The following PSEN2 variants were observed in gnomAD, a reference collection of about 807,000 sequenced individuals.
PSEN2 encodes presenilin 2, also known as presenilin-2.
Under a neutral mutation model 49.1 loss-of-function variants are expected in PSEN2, and 32 were observed. That is an observed-to-expected ratio of 0.65 (90% CI 0.49 to 0.88). The LOEUF (loss-of-function observed/expected upper bound fraction) is 0.88. Among genes scored for constraint, PSEN2 ranks in the 40% least tolerant of loss-of-function variants. The probability of loss-of-function intolerance (pLI) is 0.00; values close to 1 mark genes in which losing one functional copy is unlikely to be tolerated. For missense variants in PSEN2, 522 were observed against 586.9 expected (o/e 0.89, Z 1.14); for synonymous variants, 255 against 244.0 (o/e 1.05, Z -0.42).
intron 12 of PSEN2, among the ~76,000 whole-genome samples, chr1:226,902,671 G>A (rs548052863): frequency 6.6e-6 from 1 of 152,312 alleles, no homozygotes; most frequent in South Asian, 2.1e-4. Flanking sequence ...AGAGCCAGCA[G>A]TCCCTCTCTG....
chr1:226,874,976 A>G (rs1213969321), intron 2 of PSEN2, among the ~76,000 whole-genome samples: 13 of 152,172 alleles, frequency 8.5e-5, no homozygotes, highest in Non-Finnish European at 1.9e-4. Flanking sequence ...CCACTTCCCC[A>G]CAAACCACCC....
chr1:226,882,681 C>T (rs1661077947), intron 4 of PSEN2, among the ~76,000 whole-genome samples: 1 of 152,130 alleles, frequency 6.6e-6, no homozygotes. Context: ...TGTTTTCTTG[C>T]AGCCAGTCTT....
chr1:226,871,699 G>A (rs538900224), intron 2 of PSEN2, among the ~76,000 whole-genome samples: 4 of 152,356 alleles, frequency 2.6e-5, no homozygotes, highest in African/African-American at 9.6e-5. Flanking sequence ...GGAAGCCTCT[G>A]ATGCCTCTGT....
At chr1:226,889,118 C>G in intron 8 of PSEN2, 69 bp downstream of exon 8, 2 of 1,417,854 alleles carry the variant, frequency 1.4e-6, no homozygotes, top group Non-Finnish European at 2.0e-6. Flanking sequence ...CCCAGTGCTG[C>G]ACAAGGAGGG....
chr1:226,882,024 G>A lies in PSEN2; in HGVS notation c.117G>A (p.Glu39=). The change falls in exon 4 of 13, where the codon GAG becomes GAA. Residue 39 remains glutamate, a synonymous_variant. Coordinates refer to ENST00000366783, the MANE Select transcript of PSEN2 (RefSeq NM_000447.3). ...GCCAGGAGGGCAGGCAGGGCCCAGA[G>A]GATGGAGAGAACACTGCCCAGTGGG... ...RSCQEGRQGP[E]DGENTAQWRS... is the part of the protein sequence containing the mutation. 1 of 1,614,136 alleles carries A rather than the reference G, an allele frequency of 6.2e-7. No individual in the cohort carries two copies. The highest frequency in any genetic ancestry group is 8.5e-7 in the Non-Finnish European group (1 of 1,180,034).
At chr1:226,896,196 G>A (rs1662139820), downstream of PSEN2, 2 of 158,808 alleles carry the variant, frequency 1.3e-5, no homozygotes, top group Non-Finnish European at 2.8e-5. Flanking sequence ...GAGGCAGTTT[G>A]CCCTGTTTGA....
chr1:226,886,882 G>A (rs929582848), intron 6 of PSEN2, among the ~76,000 whole-genome samples: 3 of 152,178 alleles, frequency 2.0e-5, no homozygotes, highest in Non-Finnish European at 2.9e-5. Flanking sequence ...CAGGAGGATC[G>A]CCTGACCCCA....
At chr1:226,882,138 C>G (rs982648254) in intron 4 of PSEN2, 90 bp downstream of exon 4, 3 of 1,525,776 alleles carry the variant, frequency 2.0e-6, no homozygotes, top group Admixed American at 1.9e-5. Context: ...TTCCCTGATG[C>G]GGGAGGGAGA....
Position 226,888,954 on chromosome 1 carries a change from A to G in PSEN2, c.692A>G (p.Tyr231Cys), listed in dbSNP as rs200754713. The G allele has an allele frequency of 1.9e-6, 3 of 1,614,100 alleles. No homozygotes were observed. Among genetic ancestry groups the G allele is most frequent in the South Asian group, 1.1e-5 (1 of 91,066 alleles). ...GGCCCTCTGGTGCTGCAGCAGGCCT[A>G]CCTCATCATGATCAGTGCGCTCATG... ...WKGPLVLQQAYLIMISALMAL... is the reference protein window; with the variant it reads ...WKGPLVLQQACLIMISALMAL... The change falls in exon 8 of 13, where the codon TAC (tyrosine) becomes TGC (cysteine). Residue 231 changes from tyrosine to cysteine, a missense_variant. Physicochemically the swap from Tyr to Cys is radical, Grantham distance 194 (BLOSUM62 -2). Transcript: ENST00000366783.
chr1:226,882,133 T>G (rs1283480784), intron 4 of PSEN2, 85 bp downstream of exon 4: 2 of 1,546,474 alleles, frequency 1.3e-6, no homozygotes, highest in Non-Finnish European at 1.8e-6. Context: ...ATTCATTCCC[T>G]GATGCGGGAG....
intron 12 of PSEN2, 118 bp downstream of exon 12, chr1:226,894,243 G>A: frequency 2.7e-6 from 2 of 731,966 alleles, no homozygotes; most frequent in African/African-American, 1.8e-5. Context: ...TCCCTCTGAG[G>A]GACAAGAGCA....
At position 226,895,503 on chromosome 1, in the gene PSEN2, T is replaced by C. The variant is rs1322531425; in HGVS notation, c.1271T>C (p.Leu424Pro). The C allele has an allele frequency of 6.2e-7, 1 of 1,614,016 alleles. No individual in the cohort carries two copies. Among genetic ancestry groups the C allele is most frequent in the East Asian group, 2.2e-5 (1 of 44,870 alleles). Residue 424 changes from leucine (L) to proline (P), a missense_variant, in exon 13 of 13, where the codon CTC becomes CCC. Transcript: ENST00000366783. The part of the protein sequence containing the change: ...PALPISITFG[L>P]IFYFSTDNLV... ...CTCCCCATCTCCATCACGTTCGGGCTCATCTTTTACTTCTCCACGGACAAC... is the reference window on the plus strand; with the variant it reads ...CTCCCCATCTCCATCACGTTCGGGCCCATCTTTTACTTCTCCACGGACAAC...
At chr1:226,888,544 AC>A (rs1363245173) in intron 7 of PSEN2, among the ~76,000 whole-genome samples, 2 of 152,176 alleles carry the variant, frequency 1.3e-5, no homozygotes, top group African/African-American at 4.8e-5. Context: ...TATCAGCCTG[AC>A]CCAGGGGCCC....
chr1:226,880,840 G>A (rs2102664960), intron 3 of PSEN2: 1 of 1,532,514 alleles, frequency 6.5e-7, no homozygotes, highest in Non-Finnish European at 8.9e-7. Context: ...CCCGCCCTCA[G>A]TGGCACTTCC....
rs978078595 is a variant in PSEN2, at chr1:226,895,738, G to A, written c.*159G>A. 1.1e-6 allele frequency: 1 copy of A among 895,620 alleles called. No homozygotes were observed. Among genetic ancestry groups the A allele is most frequent in the African/African-American group, 1.7e-5 (1 of 59,806 alleles). 55.5% of individuals were successfully genotyped at this position (895,620 alleles called of 1,614,324 possible). A position where few individuals can be genotyped will look rare whatever the true frequency, so the allele number is the denominator to read the frequency against. ...AGGAGGAGGCAGAACCAGCTCTTTG[G>A]TGCCAGCTGTTTCATCACCAGACTT... On this transcript the variant is annotated 3_prime_UTR_variant, in exon 13 of 13. Transcript: ENST00000366783.
intron 3 of PSEN2, among the ~76,000 whole-genome samples, chr1:226,875,851 C>T (rs1158735792): frequency 6.6e-6 from 1 of 152,204 alleles, no homozygotes; most frequent in African/African-American, 2.4e-5. Context: ...TGATCCCATT[C>T]AGCTGATTAA....
At chr1:226,879,428 T>A (rs776814010) in intron 3 of PSEN2, among the ~76,000 whole-genome samples, 7 of 152,180 alleles carry the variant, frequency 4.6e-5, no homozygotes, top group Non-Finnish European at 1.0e-4. Context: ...TCAGTTCACA[T>A]CTTCCTCCTG....
chr1:226,889,123 G>T, intron 8 of PSEN2, 74 bp downstream of exon 8: 2 of 1,385,658 alleles, frequency 1.4e-6, no homozygotes, highest in East Asian at 4.9e-5. Flanking sequence ...TGCTGCACAA[G>T]GAGGGCAGGT....
intron 11 of PSEN2, among the ~76,000 whole-genome samples, chr1:226,892,860 T>C (rs79343667): frequency 0.011 from 1,697 of 152,282 alleles, 35 homozygotes; most frequent in African/African-American, 0.039. Context: ...ATGACCCCCT[T>C]AGGTTCAATA....
Sources: allele counts gnomAD v4.1 joint callset (sites outside exome capture counted in the v4.1 genomes callset), GRCh38; gene constraint gnomAD v4.1.1; transcripts MANE v1.5; gene names NCBI Gene and HGNC (gene_info 2026-07-23, HGNC 2026-07-21).